WDR7: variants seen among roughly 807,000 people sequenced by gnomAD.
WDR7 encodes WD repeat domain 7.
Under a neutral mutation model 169.4 loss-of-function variants are expected in WDR7, and 46 were observed. That is an observed-to-expected ratio of 0.27 (90% CI 0.21 to 0.35). WDR7 has a LOEUF of 0.35. Ranked by LOEUF, WDR7 falls within the 10% of genes least tolerant of loss-of-function variation. The pLI, the probability that WDR7 is intolerant of heterozygous loss-of-function variation, is 1.00. For missense variants in WDR7, 1,534 were observed against 1,859.3 expected, an observed-to-expected ratio of 0.83 and a Z score of 3.22; for synonymous variants, 612 against 666.8, an observed-to-expected ratio of 0.92 and a Z score of 1.27.
intron 26 of WDR7, among the ~76,000 whole-genome samples, chr18:57,004,244 T>C (rs1406451165): frequency 6.6e-6 from 1 of 152,100 alleles, no homozygotes; most frequent in African/African-American, 2.4e-5. Flanking sequence ...TACTTCCCTC[T>C]GACATCCCAC....
chr18:56,739,786 T>C (rs1015583972), intron 14 of WDR7, among the ~76,000 whole-genome samples: 2 of 152,200 alleles, frequency 1.3e-5, no homozygotes, highest in Middle Eastern at 3.4e-3. Context: ...ATCATTCTTA[T>C]TGTTATTCCT....
intron 13 of WDR7, among the ~76,000 whole-genome samples, chr18:56,729,499 C>G (rs1041596704): frequency 4.6e-5 from 7 of 152,004 alleles, no homozygotes; most frequent in African/African-American, 1.4e-4. Flanking sequence ...TCTTCTCTAA[C>G]TTGTTATTTT....
intron 21 of WDR7, among the ~76,000 whole-genome samples, chr18:56,899,125 CCTTT>C (rs1354063348): frequency 6.6e-6 from 1 of 151,886 alleles, no homozygotes; most frequent in Non-Finnish European, 1.5e-5. Context: ...AATATTTCTC[CCTTT>C]CCAGTTTTCG....
chr18:56,997,520 C>T (rs558056283), intron 26 of WDR7, among the ~76,000 whole-genome samples: 97 of 152,232 alleles, frequency 6.4e-4, no homozygotes, highest in East Asian at 1.2e-3. Flanking sequence ...CCAAAGGGTG[C>T]TTATCTCTAT....
intron 1 of WDR7, among the ~76,000 whole-genome samples, chr18:56,658,540 AAC>A (rs1443093100): frequency 1.3e-5 from 2 of 152,228 alleles, no homozygotes; most frequent in Admixed American, 1.3e-4. Flanking sequence ...TGTCAGTGAT[AAC>A]AGACTGATAG....
At chr18:56,905,684 G>T (rs945371825) in intron 21 of WDR7, among the ~76,000 whole-genome samples, 1 of 151,262 alleles carries the variant, frequency 6.6e-6, no homozygotes, top group Non-Finnish European at 1.5e-5. Context: ...GTAATTTAAT[G>T]TGAAAACACC....
chr18:56,900,222 T>C (rs769384930), intron 21 of WDR7, among the ~76,000 whole-genome samples: 14 of 151,948 alleles, frequency 9.2e-5, no homozygotes, highest in Non-Finnish European at 1.5e-4. Flanking sequence ...AGAACTTTTA[T>C]AGTAACTGAA....
chr18:56,938,898 T>C (rs528637817), intron 24 of WDR7, among the ~76,000 whole-genome samples: 1 of 152,088 alleles, frequency 6.6e-6, no homozygotes, highest in East Asian at 1.9e-4. Flanking sequence ...CTTATTTAAA[T>C]TTCCTCAAAA....
chr18:56,730,445 A>G (rs2430901), intron 13 of WDR7, among the ~76,000 whole-genome samples: 140,018 of 152,274 alleles, frequency 0.92, 65,498 homozygotes, highest in East Asian at 1. Context: ...GGAGATAAAC[A>G]GAAAGGATAG....
intron 20 of WDR7, among the ~76,000 whole-genome samples, chr18:56,846,168 G>A (rs148536264): frequency 1.5e-4 from 23 of 152,206 alleles, no homozygotes; most frequent in African/African-American, 5.5e-4. Flanking sequence ...TTGGATATTT[G>A]TCTCCTCCAA....
chr18:56,889,150 G>A (rs1311771175), intron 21 of WDR7, among the ~76,000 whole-genome samples: 1 of 152,198 alleles, frequency 6.6e-6, no homozygotes, highest in Non-Finnish European at 1.5e-5. Context: ...ACAGACACAA[G>A]AACTTAGGGA....
intron 14 of WDR7, among the ~76,000 whole-genome samples, chr18:56,744,753 G>A (rs77219562): frequency 0.013 from 1,947 of 152,274 alleles, 56 homozygotes; most frequent in African/African-American, 0.044. Flanking sequence ...CAACCTTTGC[G>A]TGGGAGGTTT....
At position 56,749,010 on chromosome 18, in the gene WDR7, T is replaced by A. The variant is rs144543378; in HGVS notation, c.1990-7573T>A. On this transcript the variant is annotated intron_variant, in intron 14 of 27. Transcript: ENST00000254442. ...ATATTTAATATTGAAACATTAATAT[T>A]GTGCATATTTTTTAGTAGATGATGA... is the stretch of plus-strand genomic sequence containing the variant. 2.5e-3 allele frequency among the ~76,000 whole-genome samples: 380 copies of A among 152,140 alleles called. 4 individuals carry two copies. In the East Asian group the frequency reaches 0.032, roughly 13 times the overall value.
intron 19 of WDR7, among the ~76,000 whole-genome samples, chr18:56,815,472 T>A (rs2044949047): frequency 6.6e-6 from 1 of 152,230 alleles, no homozygotes; most frequent in South Asian, 2.1e-4. Context: ...TCTTTGCCTG[T>A]CTGCTTTCAG....
At chr18:56,970,677 G>C (rs574358227) in intron 26 of WDR7, among the ~76,000 whole-genome samples, 81 of 152,092 alleles carry the variant, frequency 5.3e-4, no homozygotes, top group Non-Finnish European at 9.9e-4. Flanking sequence ...CTGACACATT[G>C]TCACCAGGAG....
intron 20 of WDR7, among the ~76,000 whole-genome samples, chr18:56,856,623 GA>G (rs1195080649): frequency 1.1e-4 from 16 of 151,714 alleles, no homozygotes; most frequent in Admixed American, 1.1e-3. Flanking sequence ...TTTTATTTAA[GA>G]AAAAGATTTG....
At chr18:56,669,566 C>G (rs989651952) in intron 1 of WDR7, among the ~76,000 whole-genome samples, 1 of 151,950 alleles carries the variant, frequency 6.6e-6, no homozygotes, top group Non-Finnish European at 1.5e-5. Context: ...AGCATCTAGT[C>G]TAAGAACATA....
chr18:56,778,141 ATG>A (rs1368236608), intron 17 of WDR7, among the ~76,000 whole-genome samples: 1 of 152,156 alleles, frequency 6.6e-6, no homozygotes, highest in Admixed American at 6.5e-5. Flanking sequence ...ACCTTAATTA[ATG>A]TAATTACATG....
chr18:56,975,035 C>T (rs9946439), intron 26 of WDR7, among the ~76,000 whole-genome samples: 51 of 151,882 alleles, frequency 3.4e-4, no homozygotes, highest in African/African-American at 9.7e-4. Context: ...GTCAGGAGTT[C>T]GAGACCACCC....
Sources: gnomAD v4.1 joint callset for allele counts (sites outside exome capture counted in the v4.1 genomes callset) on GRCh38, gnomAD v4.1.1 for gene constraint, MANE v1.5 for transcripts, NCBI Gene and HGNC (gene_info 2026-07-23, HGNC 2026-07-21) for gene names.